C1QTNF7: variants seen among roughly 807,000 people sequenced by gnomAD.
The protein encoded by C1QTNF7 is complement C1q tumor necrosis factor-related protein 7.
A neutral mutation model predicts 19.6 loss-of-function variants in C1QTNF7; 15 were observed. The observed-to-expected ratio is 0.76, with a 90% CI of 0.51 to 1.18. C1QTNF7 has a LOEUF of 1.18. Ranked by LOEUF, C1QTNF7 falls within the 50% of genes most tolerant of loss-of-function variation. The pLI is 0.00. For missense variants in C1QTNF7, 324 were observed against 359.7 expected (o/e 0.90, Z 0.80); for synonymous variants, 142 against 137.5 (o/e 1.03, Z -0.23).
intron 1 of C1QTNF7, among the ~76,000 whole-genome samples, chr4:15,411,923 G>C (rs1054130456): frequency 2.6e-5 from 4 of 151,964 alleles, no homozygotes; most frequent in African/African-American, 9.7e-5. Context: ...TTAGGAATGG[G>C]GTAGCACAGC....
At chr4:15,420,805 G>A (rs1711712181) in intron 1 of C1QTNF7, among the ~76,000 whole-genome samples, 1 of 144,464 alleles carries the variant, frequency 6.9e-6, no homozygotes, top group East Asian at 2.2e-4. Context: ...TAGACTCTAG[G>A]GTAACATTCC....
chr4:15,346,408 T>C (rs1486752318), intron 1 of C1QTNF7, among the ~76,000 whole-genome samples: 1 of 152,230 alleles, frequency 6.6e-6, no homozygotes, highest in Non-Finnish European at 1.5e-5. Context: ...CTTCATGTGC[T>C]ACCAATGATA....
intron 1 of C1QTNF7, among the ~76,000 whole-genome samples, chr4:15,416,135 G>C (rs904351087): frequency 4.6e-5 from 7 of 152,116 alleles, no homozygotes; most frequent in Admixed American, 2.6e-4. Context: ...ACTCCTAAAA[G>C]TTTATATCAC....
chr4:15,435,719 G>C lies in C1QTNF7; in HGVS notation c.-8-17G>C. ...CAACACAGAAAGTTCATTTACGTCT[G>C]TGTGTTTCTCTTCCAGAGCCAAAGA... On this transcript the variant is annotated splice_polypyrimidine_tract_variant and intron_variant, in intron 1 of 2. Coordinates refer to ENST00000444304, the MANE Select transcript of C1QTNF7 (RefSeq NM_031911.5). The C allele has an allele frequency of 6.2e-7, 1 of 1,613,884 alleles. No homozygotes were observed.
At chr4:15,441,706 T>C (rs1712761249) in intron 2 of C1QTNF7, among the ~76,000 whole-genome samples, 1 of 152,224 alleles carries the variant, frequency 6.6e-6, no homozygotes, top group Non-Finnish European at 1.5e-5. Flanking sequence ...TTTTTGTTGT[T>C]AGTGCACCAG....
At chr4:15,418,342 A>G (rs992104283) in intron 1 of C1QTNF7, among the ~76,000 whole-genome samples, 4 of 152,006 alleles carry the variant, frequency 2.6e-5, no homozygotes, top group Non-Finnish European at 5.9e-5. Flanking sequence ...ATAAAAGCCA[A>G]CCTCTTCAGG....
rs540081897 is a variant in C1QTNF7 at position 15,445,174 on chromosome 4, A to G, written c.*2375A>G. On this transcript the variant is annotated 3_prime_UTR_variant, in exon 3 of 3. Transcript: ENST00000444304. ...CAGGAGACCAAGAACAATGAGTATT[A>G]GAAAAAAAGGAGACAGCAAAGGTGG... 6.6e-6 allele frequency: 1 copy of G among 152,380 alleles called. No homozygotes were observed. Among genetic ancestry groups the G allele is most frequent in the African/African-American group, 2.4e-5 (1 of 41,584 alleles). 9.4% of individuals were successfully genotyped at this position (152,380 alleles called of 1,614,324 possible).
intron 1 of C1QTNF7, among the ~76,000 whole-genome samples, chr4:15,390,643 C>T (rs1178700141): frequency 3.3e-5 from 5 of 152,136 alleles, no homozygotes; most frequent in African/African-American, 1.2e-4. Context: ...AAATAAAATA[C>T]AACTTTCTCC....
intron 1 of C1QTNF7, among the ~76,000 whole-genome samples, chr4:15,360,387 C>A (rs1378777708): frequency 6.6e-6 from 1 of 152,166 alleles, no homozygotes; most frequent in African/African-American, 2.4e-5. Flanking sequence ...ATTACATAAC[C>A]TTGTTTTACG....
chr4:15,379,787 A>G (rs1718073929), intron 1 of C1QTNF7, among the ~76,000 whole-genome samples: 1 of 152,236 alleles, frequency 6.6e-6, no homozygotes, highest in Non-Finnish European at 1.5e-5. Flanking sequence ...TATGTCTGGT[A>G]TGACTTCAGT....
chr4:15,370,868 A>G (rs1256172757), intron 1 of C1QTNF7, among the ~76,000 whole-genome samples: 1 of 152,232 alleles, frequency 6.6e-6, no homozygotes, highest in East Asian at 1.9e-4. Context: ...TAATAATGGA[A>G]ACACTTAAGA....
chr4:15,393,171 G>A (rs558592223), intron 1 of C1QTNF7, among the ~76,000 whole-genome samples: 23 of 152,124 alleles, frequency 1.5e-4, no homozygotes, highest in Non-Finnish European at 3.2e-4. Flanking sequence ...CTTGTCTGCC[G>A]CCATGTAAGA....
intron 1 of C1QTNF7, among the ~76,000 whole-genome samples, chr4:15,359,036 G>C (rs1364075488): frequency 1.3e-5 from 2 of 152,152 alleles, no homozygotes; most frequent in Non-Finnish European, 2.9e-5. Flanking sequence ...TGCACCAGGG[G>C]CTTGGACTCT....
rs931107186 is a variant in C1QTNF7 at position 15,428,050 on chromosome 4, G to A, written c.-65G>A. 2 of 985,426 alleles carry A rather than the reference G, an allele frequency of 2.0e-6. No homozygotes were observed. The highest frequency in any genetic ancestry group is 9.4e-5 in the South Asian group (2 of 21,290). 61.0% of individuals were successfully genotyped at this position (985,426 alleles called of 1,614,324 possible). A position where few individuals can be genotyped will look rare whatever the true frequency, so the allele number is the denominator to read the frequency against. On this transcript the variant is annotated 5_prime_UTR_variant, in exon 1 of 3. Coordinates refer to ENST00000444304, the MANE Select transcript of C1QTNF7 (RefSeq NM_031911.5). ...AGTTTTTCACTGAGCTCTCATGAAA[G>A]ATCCTCAGTCTCTTGTGGATTTAGA...
chr4:15,425,890 T>C (rs575718958), upstream of C1QTNF7, among the ~76,000 whole-genome samples: 3 of 152,166 alleles, frequency 2.0e-5, no homozygotes, highest in Non-Finnish European at 4.4e-5. Context: ...AGAGCTGGCT[T>C]ATACCTGCCA....
chr4:15,423,901 TG>T (rs1216575263), upstream of C1QTNF7, among the ~76,000 whole-genome samples: 23 of 152,348 alleles, frequency 1.5e-4, no homozygotes, highest in African/African-American at 4.8e-4. Flanking sequence ...AAGATTCAAC[TG>T]GGTTGTCCGG....
At chr4:15,405,256 G>A (rs750110025) in intron 1 of C1QTNF7, among the ~76,000 whole-genome samples, 2 of 151,880 alleles carry the variant, frequency 1.3e-5, no homozygotes, top group African/African-American at 2.4e-5. Flanking sequence ...ACAGCAGGCG[G>A]GCTCTACACT....
At chr4:15,369,097 G>C (rs1434072831) in intron 1 of C1QTNF7, among the ~76,000 whole-genome samples, 1 of 152,244 alleles carries the variant, frequency 6.6e-6, no homozygotes, top group Non-Finnish European at 1.5e-5. Flanking sequence ...ACATGTCATA[G>C]TGTTCATTTC....
At chr4:15,389,459 G>T (rs548447331) in intron 1 of C1QTNF7, among the ~76,000 whole-genome samples, 4 of 152,126 alleles carry the variant, frequency 2.6e-5, no homozygotes, top group Non-Finnish European at 4.4e-5. Flanking sequence ...TGCTCTTGTT[G>T]CCCAAGCTGG....
Sources: gnomAD v4.1 joint callset for allele counts (sites outside exome capture counted in the v4.1 genomes callset) on GRCh38, gnomAD v4.1.1 for gene constraint, MANE v1.5 for transcripts, NCBI Gene and HGNC (gene_info 2026-07-23, HGNC 2026-07-21) for gene names.